CPNE5: variants seen among roughly 807,000 people sequenced by gnomAD.
The protein encoded by CPNE5 is copine 5.
Under a neutral mutation model 81.1 loss-of-function variants are expected in CPNE5, and 42 were observed. The observed-to-expected ratio is 0.52, with a 90% confidence interval of 0.40 to 0.67. The LOEUF (loss-of-function observed/expected upper bound fraction) is 0.67. CPNE5 is among the 30% of genes least tolerant of loss of function. The probability of loss-of-function intolerance (pLI) is 0.00; values close to 1 mark genes in which losing one functional copy is unlikely to be tolerated. For synonymous variants in CPNE5, 313 were observed against 321.5 expected (o/e 0.97, Z 0.28); for missense variants, 612 against 815.5 (o/e 0.75, Z 3.04).
At chr6:36,824,150 T>C (rs1017230726) in intron 1 of CPNE5, among the ~76,000 whole-genome samples, 11 of 152,162 alleles carry the variant, frequency 7.2e-5, no homozygotes, top group African/African-American at 1.7e-4. Flanking sequence ...GGTTTCCTCT[T>C]GTGTCTGTTT....
At chr6:36,787,035 A>T (rs1303205610) in intron 8 of CPNE5, among the ~76,000 whole-genome samples, 1 of 152,174 alleles carries the variant, frequency 6.6e-6, no homozygotes, top group Non-Finnish European at 1.5e-5. Context: ...AAGAAGGGTG[A>T]TGTTTGAATG....
At chr6:36,762,348 T>TCA (rs762883521) in intron 12 of CPNE5, among the ~76,000 whole-genome samples, 9 of 145,250 alleles carry the variant, frequency 6.2e-5, no homozygotes, top group East Asian at 5.9e-4. Context: ...AAATACATGC[T>TCA]CACACACACA....
intron 11 of CPNE5, among the ~76,000 whole-genome samples, chr6:36,763,968 C>T (rs1291216202): frequency 2.6e-5 from 4 of 152,146 alleles, no homozygotes; most frequent in Admixed American, 6.5e-5. Flanking sequence ...TCCCACTGAC[C>T]CCAGGGTTGG....
chr6:36,756,177 T>C (rs1488115657), intron 13 of CPNE5, 68 bp downstream of exon 13: 4 of 1,236,136 alleles, frequency 3.2e-6, no homozygotes, highest in Non-Finnish European at 3.3e-6. Context: ...CGGGCCTCCC[T>C]GATACCAGAC....
intron 3 of CPNE5, among the ~76,000 whole-genome samples, chr6:36,815,435 G>A (rs1378498763): frequency 6.6e-6 from 1 of 152,212 alleles, no homozygotes; most frequent in Non-Finnish European, 1.5e-5. Flanking sequence ...CTTTGGGGAG[G>A]TGATTAGGTC....
At chr6:36,765,100 C>G (rs1464068818) in intron 11 of CPNE5, among the ~76,000 whole-genome samples, 1 of 152,204 alleles carries the variant, frequency 6.6e-6, no homozygotes. Flanking sequence ...TTATGCCCCT[C>G]ACACCATATC....
chr6:36,831,149 G>A (rs1251966368), intron 1 of CPNE5, among the ~76,000 whole-genome samples: 1 of 151,960 alleles, frequency 6.6e-6, no homozygotes, highest in African/African-American at 2.4e-5. Flanking sequence ...CCGCCTCCTG[G>A]GTTCAAGCTA....
chr6:36,775,580 T>C lies in CPNE5; in HGVS notation c.633-515A>G, dbSNP rs1767429983. Among the ~76,000 whole-genome samples, 3 of 152,184 alleles carry C rather than the reference T, an allele frequency of 2.0e-5. No homozygotes were observed. In the South Asian group the frequency reaches 6.2e-4, roughly 32 times the overall value. ...TGGAATATTCTCTCCTCCGCTTCCA[T>C]CTTTGTGACTCACTCCTCACTACCT... On this transcript the variant is annotated intron_variant, in intron 9 of 20. Transcript: ENST00000244751.
chr6:36,778,932 G>A lies in CPNE5; in HGVS notation c.554C>T (p.Ala185Val). The A allele has an allele frequency of 6.2e-7, 1 of 1,603,740 alleles. No homozygotes were observed. Among genetic ancestry groups the A allele is most frequent in the Non-Finnish European group, 8.5e-7 (1 of 1,171,188 alleles). Reference protein sequence around the residue: ...CRDVATMQFCANKLDKKDFFG... With the variant: ...CRDVATMQFCVNKLDKKDFFG... The stretch of plus-strand genomic sequence containing the variant: ...GAAATCTTTCTTGTCCAGCTTGTTG[G>A]CACAGAACTGCATGGTGGCGACATC... Residue 185 changes from alanine to valine, a missense_variant, in exon 9 of 21, where the codon GCC becomes GTC. Ala to Val is a moderately conservative substitution (Grantham distance 64). Coordinates refer to ENST00000244751, the MANE Select transcript of CPNE5 (RefSeq NM_020939.2).
intron 9 of CPNE5, among the ~76,000 whole-genome samples, chr6:36,777,217 T>TC (rs1451795202): frequency 6.6e-6 from 1 of 151,528 alleles, no homozygotes; most frequent in African/African-American, 2.4e-5. Flanking sequence ...CCGAGTGAGG[T>TC]CCCCTCATTG....
At chr6:36,762,570 A>C (rs1405889214) in intron 12 of CPNE5, among the ~76,000 whole-genome samples, 3 of 152,226 alleles carry the variant, frequency 2.0e-5, no homozygotes, top group Non-Finnish European at 4.4e-5. Flanking sequence ...CCTCGAACTC[A>C]GGACCTCAGG....
intron 17 of CPNE5, 28 bp from the exon 18 acceptor site, chr6:36,745,178 C>G: frequency 6.3e-7 from 1 of 1,583,816 alleles, no homozygotes; most frequent in Non-Finnish European, 8.7e-7. Context: ...GGGCTCAGGT[C>G]TGTCTGCGGG....
chr6:36,763,047 C>A, intron 11 of CPNE5, 55 bp from the exon 12 acceptor site: 1 of 1,485,392 alleles, frequency 6.7e-7, no homozygotes, highest in Non-Finnish European at 9.4e-7. Flanking sequence ...TGCCTCTGCC[C>A]AGCCCCAGCC....
At chr6:36,811,321 T>C (rs1461420666) in intron 3 of CPNE5, among the ~76,000 whole-genome samples, 1 of 152,244 alleles carries the variant, frequency 6.6e-6, no homozygotes. Context: ...ATGTCTGAAA[T>C]GATACTGTCA....
chr6:36,744,443 C>A, intron 18 of CPNE5, 118 bp from the exon 19 acceptor site: 1 of 754,478 alleles, frequency 1.3e-6, no homozygotes, highest in South Asian at 1.5e-5. Context: ...GGAGAGTGAA[C>A]ATGGAGAGAC....
chr6:36,804,826 C>A (rs1367436246), intron 3 of CPNE5, among the ~76,000 whole-genome samples: 1 of 152,146 alleles, frequency 6.6e-6, no homozygotes, highest in Non-Finnish European at 1.5e-5. Flanking sequence ...CGGAGGGGAA[C>A]TCCAAGCCCA....
chr6:36,831,274 T>C (rs897605790), intron 1 of CPNE5, among the ~76,000 whole-genome samples: 75 of 151,936 alleles, frequency 4.9e-4, no homozygotes, highest in African/African-American at 1.7e-3. Context: ...AGACTGGTCT[T>C]GAACTCCTGA....
At chr6:36,805,011 G>GC (rs1770460580) in intron 3 of CPNE5, among the ~76,000 whole-genome samples, 1 of 148,202 alleles carries the variant, frequency 6.7e-6, no homozygotes, top group African/African-American at 2.7e-5. Flanking sequence ...AATAACAAAG[G>GC]GGAAAAATGC....
At chr6:36,834,173 C>T (rs1297403769) in intron 1 of CPNE5, among the ~76,000 whole-genome samples, 5 of 146,412 alleles carry the variant, frequency 3.4e-5, no homozygotes, top group African/African-American at 5.0e-5. Flanking sequence ...GCAGGAGGAT[C>T]GCTTGAGCCC....
Sources: allele counts gnomAD v4.1 joint callset (sites outside exome capture counted in the v4.1 genomes callset), GRCh38; gene constraint gnomAD v4.1.1; transcripts MANE v1.5; gene names NCBI Gene and HGNC (gene_info 2026-07-23, HGNC 2026-07-21).